The following MYRIP variants were observed in gnomAD, a reference collection of about 807,000 sequenced individuals.
MYRIP encodes rab effector MyRIP.
A neutral mutation model predicts 98.0 loss-of-function variants in MYRIP; 49 were observed. The observed-to-expected ratio is 0.50, with a 90% CI of 0.40 to 0.63. The LOEUF is 0.63. MYRIP is among the 30% of genes least tolerant of loss of function. The pLI is 0.00. For synonymous variants in MYRIP, 404 were observed against 409.5 expected, an observed-to-expected ratio of 0.99 and a Z score of 0.16; for missense variants, 1,004 against 1,058.2, an observed-to-expected ratio of 0.95 and a Z score of 0.71.
intron 4 of MYRIP, among the ~76,000 whole-genome samples, chr3:40,158,269 G>C (rs1347955060): frequency 6.6e-6 from 1 of 152,158 alleles, no homozygotes; most frequent in Non-Finnish European, 1.5e-5. Context: ...TAGTCATTCA[G>C]GAGCAGGTTG....
intron 1 of MYRIP, among the ~76,000 whole-genome samples, chr3:39,867,881 G>A (rs1360515647): frequency 1.3e-5 from 2 of 152,108 alleles, no homozygotes; most frequent in African/African-American, 4.8e-5. Context: ...ACAATAGCCA[G>A]GACATGGAAG....
chr3:40,131,786 T>A (rs1022002537), intron 3 of MYRIP, among the ~76,000 whole-genome samples: 4 of 152,206 alleles, frequency 2.6e-5, no homozygotes, highest in African/African-American at 7.2e-5. Context: ...AATTATTATA[T>A]ATTTGTAATG....
intron 3 of MYRIP, among the ~76,000 whole-genome samples, chr3:40,056,912 G>A (rs1374506906): frequency 1.3e-5 from 2 of 152,194 alleles, no homozygotes; most frequent in African/African-American, 4.8e-5. Flanking sequence ...AAGGGTAGGG[G>A]TAGCAGTGCC....
At chr3:40,047,032 A>C (rs1183615338) in intron 3 of MYRIP, among the ~76,000 whole-genome samples, 2 of 152,198 alleles carry the variant, frequency 1.3e-5, no homozygotes, top group African/African-American at 2.4e-5. Flanking sequence ...CATTAATCAA[A>C]TACCAGTAGT....
intron 16 of MYRIP, among the ~76,000 whole-genome samples, chr3:40,252,238 C>T (rs1953399498): frequency 6.6e-6 from 1 of 152,118 alleles, no homozygotes; most frequent in Admixed American, 6.5e-5. Context: ...TCAACTGTTA[C>T]TCTAGAAATC....
In MYRIP at chr3:40,251,899, C is replaced by A; in HGVS notation, c.2447C>A (p.Ser816Tyr). 6.2e-7 allele frequency: 1 copy of A among 1,612,182 alleles called. No homozygotes were observed. Among genetic ancestry groups the A allele is most frequent in the African/African-American group, 1.3e-5 (1 of 74,934 alleles). The change falls in exon 16 of 17, where the codon TCT becomes TAT. Residue 816 changes from serine to tyrosine, a missense_variant. Coordinates refer to ENST00000302541, the MANE Select transcript of MYRIP (RefSeq NM_015460.4). The part of the protein sequence containing the change: ...PPVKAEKIET[S>Y]SVTTIKTFNH... The stretch of plus-strand genomic sequence containing the variant: ...CTTTTAGCTGAAAAAATTGAGACAT[C>A]TTCAGTGACTACCATTAAAACATTT...
chr3:40,160,815 GC>G (rs1170846634), intron 4 of MYRIP, among the ~76,000 whole-genome samples: 1 of 152,232 alleles, frequency 6.6e-6, no homozygotes, highest in Non-Finnish European at 1.5e-5. Context: ...GAACTCCCTG[GC>G]CCCTTGCGCT....
intron 1 of MYRIP, among the ~76,000 whole-genome samples, chr3:39,819,863 T>G (rs2125570649): frequency 6.6e-6 from 1 of 152,342 alleles, no homozygotes; most frequent in South Asian, 2.1e-4. Flanking sequence ...AGAAAACTGT[T>G]TTTGGTTTTT....
At chr3:40,075,835 A>G (rs1044906636) in intron 3 of MYRIP, among the ~76,000 whole-genome samples, 1 of 152,040 alleles carries the variant, frequency 6.6e-6, no homozygotes, top group African/African-American at 2.4e-5. Flanking sequence ...TGTCATCTTC[A>G]TTTTACAGTT....
Position 40,162,711 on chromosome 3 carries a change from C to G in MYRIP, c.470-19C>G, listed in dbSNP as rs779847457. 4 of 1,609,910 alleles carry G rather than the reference C, an allele frequency of 2.5e-6. No homozygotes were observed. In the East Asian group the frequency reaches 8.9e-5, roughly 36 times the overall value. On this transcript the variant is annotated intron_variant, in intron 4 of 16. Transcript: ENST00000302541. ...TTGATAATCATATTCATTCTCTTCT[C>G]CCACCCCTACCCTGCCAGGAGGAAG...
intron 3 of MYRIP, among the ~76,000 whole-genome samples, chr3:40,048,209 G>T (rs1039990855): frequency 6.6e-6 from 1 of 152,072 alleles, no homozygotes; most frequent in Admixed American, 6.6e-5. Flanking sequence ...GGTCTATGAG[G>T]TTACACAGAT....
At chr3:39,875,485 T>C (rs1264446513) in intron 1 of MYRIP, among the ~76,000 whole-genome samples, 167 of 152,014 alleles carry the variant, frequency 1.1e-3, no homozygotes, top group African/African-American at 3.4e-3. Context: ...TTTAGTGCTA[T>C]AAATTTCCCT....
chr3:39,845,702 A>T (rs548001392), intron 1 of MYRIP, among the ~76,000 whole-genome samples: 3 of 152,214 alleles, frequency 2.0e-5, no homozygotes, highest in Non-Finnish European at 4.4e-5. Context: ...AATTGACTGG[A>T]GGTGGGGGCT....
chr3:40,004,825 A>G (rs1432077152), intron 2 of MYRIP, among the ~76,000 whole-genome samples: 1 of 152,060 alleles, frequency 6.6e-6, no homozygotes, highest in Non-Finnish European at 1.5e-5. Flanking sequence ...ATACATGTGC[A>G]GGTGTGTTAC....
chr3:39,916,473 C>T (rs1944163423), intron 2 of MYRIP, among the ~76,000 whole-genome samples: 1 of 151,784 alleles, frequency 6.6e-6, no homozygotes, highest in Non-Finnish European at 1.5e-5. Flanking sequence ...AATAGATACC[C>T]CCCAAACAGT....
chr3:40,089,917 G>A (rs898114200), intron 3 of MYRIP, among the ~76,000 whole-genome samples: 2 of 151,892 alleles, frequency 1.3e-5, no homozygotes, highest in African/African-American at 4.8e-5. Context: ...GTTTCAGTGG[G>A]AAAAGGTCAA....
chr3:40,258,303 G>A lies in MYRIP; in HGVS notation c.*137G>A, dbSNP rs1023937125. 1 of 980,178 alleles carries A rather than the reference G, an allele frequency of 1.0e-6. No homozygotes were observed. The highest frequency in any genetic ancestry group is 1.6e-5 in the African/African-American group (1 of 63,026). The allele number at this position is 980,178 out of a possible 1,614,324, so 60.7% of individuals were successfully genotyped here. Reference sequence around the variant, plus strand: ...GGAGGCCACAGTGCACCATTGCACAGGGCTGTCCTGATACCTCATCCAGAA... The same window carrying A: ...GGAGGCCACAGTGCACCATTGCACAAGGCTGTCCTGATACCTCATCCAGAA... On this transcript the variant is annotated 3_prime_UTR_variant, in exon 17 of 17. Transcript: ENST00000302541.
At chr3:39,947,869 C>T (rs9861520) in intron 2 of MYRIP, among the ~76,000 whole-genome samples, 2 of 152,010 alleles carry the variant, frequency 1.3e-5, no homozygotes, top group Non-Finnish European at 2.9e-5. Context: ...AGGTGATTCA[C>T]GTTTACTTCA....
intron 3 of MYRIP, among the ~76,000 whole-genome samples, chr3:40,046,834 A>G (rs1197450929): frequency 1.3e-5 from 2 of 152,042 alleles, no homozygotes. Context: ...AAATAAAAGG[A>G]AGTATCAGTA....
Sources: gnomAD v4.1 joint callset for allele counts (sites outside exome capture counted in the v4.1 genomes callset) on GRCh38, gnomAD v4.1.1 for gene constraint, MANE v1.5 for transcripts, NCBI Gene and HGNC (gene_info 2026-07-23, HGNC 2026-07-21) for gene names.